Variants in MGAT4C observed in about 807,000 individuals in gnomAD.
The protein encoded by MGAT4C is MGAT4 family member C.
MGAT4C carries 19 observed loss-of-function variants against 40.1 expected under a neutral mutation model. The ratio of observed to expected loss-of-function variants is 0.47; its 90% CI spans 0.33 to 0.70. The LOEUF is 0.70. MGAT4C is among the 30% of genes least tolerant of loss of function. The pLI is 0.02. For missense variants in MGAT4C, 491 were observed against 563.2 expected (o/e 0.87, Z 1.30); for synonymous variants, 181 against 187.1 (o/e 0.97, Z 0.27).
chr12:86,459,440 T>C (rs1176021057), intron 2 of MGAT4C, among the ~76,000 whole-genome samples: 1 of 151,920 alleles, frequency 6.6e-6, no homozygotes, highest in Non-Finnish European at 1.5e-5. Flanking sequence ...TGTTGTAAAC[T>C]GCCTATGGGC....
At chr12:86,646,159 G>GA (rs1963538537) in intron 2 of MGAT4C, among the ~76,000 whole-genome samples, 1 of 151,646 alleles carries the variant, frequency 6.6e-6, no homozygotes, top group African/African-American at 2.4e-5. Flanking sequence ...AGCAAATTTG[G>GA]AAAAAAGTGA....
At chr12:86,025,559 T>C (rs1362810049) in intron 2 of MGAT4C, among the ~76,000 whole-genome samples, 1 of 151,770 alleles carries the variant, frequency 6.6e-6, no homozygotes, top group East Asian at 1.9e-4. Context: ...ATTTTTTATA[T>C]GTTGTTTCAA....
At chr12:86,836,965 AAG>A (rs1242467412) in intron 1 of MGAT4C, among the ~76,000 whole-genome samples, 1 of 151,994 alleles carries the variant, frequency 6.6e-6, no homozygotes, top group Non-Finnish European at 1.5e-5. Flanking sequence ...AAAAATAGAA[AAG>A]AGAGAGAGAG....
intron 2 of MGAT4C, among the ~76,000 whole-genome samples, chr12:86,604,618 GA>G (rs1432002434): frequency 2.0e-5 from 3 of 151,932 alleles, no homozygotes; most frequent in Non-Finnish European, 2.9e-5. Context: ...TTTCACAAAA[GA>G]AAAAACTGGA....
chr12:86,065,188 G>C (rs892847831), intron 1 of MGAT4C, among the ~76,000 whole-genome samples: 1 of 152,036 alleles, frequency 6.6e-6, no homozygotes, highest in African/African-American at 2.4e-5. Context: ...ACATAAAGAG[G>C]GACTCCTCCC....
intron 2 of MGAT4C, among the ~76,000 whole-genome samples, chr12:86,535,293 T>A (rs1203560634): frequency 6.6e-6 from 1 of 152,128 alleles, no homozygotes; most frequent in Non-Finnish European, 1.5e-5. Context: ...TCACACATCA[T>A]AATTTTTGTT....
chr12:86,111,386 C>G (rs775553031), intron 1 of MGAT4C, among the ~76,000 whole-genome samples: 3 of 151,754 alleles, frequency 2.0e-5, no homozygotes, highest in Non-Finnish European at 3.0e-5. Flanking sequence ...AAAATGATAT[C>G]AGTGTTGTAC....
At chr12:86,280,480 G>A (rs959890613) in intron 4 of MGAT4C, among the ~76,000 whole-genome samples, 1 of 151,844 alleles carries the variant, frequency 6.6e-6, no homozygotes, top group African/African-American at 2.4e-5. Context: ...CTGTCCTTTT[G>A]ACTCAAGATC....
chr12:86,416,204 A>G (rs1592817305), intron 3 of MGAT4C, among the ~76,000 whole-genome samples: 1 of 152,186 alleles, frequency 6.6e-6, no homozygotes, highest in East Asian at 1.9e-4. Context: ...TGTTGGAAGT[A>G]TTTTTTATTC....
chr12:86,159,307 A>G (rs2135794267), intron 1 of MGAT4C, among the ~76,000 whole-genome samples: 1 of 152,020 alleles, frequency 6.6e-6, no homozygotes, highest in East Asian at 1.9e-4. Context: ...TGATTTTTTT[A>G]TGCAGTGAAT....
intron 2 of MGAT4C, among the ~76,000 whole-genome samples, chr12:86,704,173 T>A (rs571091479): frequency 1.4e-4 from 21 of 152,256 alleles, no homozygotes; most frequent in African/African-American, 4.6e-4. Context: ...AAAGAATGTA[T>A]GAAAAGGTTA....
intron 2 of MGAT4C, among the ~76,000 whole-genome samples, chr12:86,504,895 C>T (rs1438377079): frequency 6.6e-6 from 1 of 152,090 alleles, no homozygotes; most frequent in African/African-American, 2.4e-5. Context: ...GATCTGCCCG[C>T]CTCGGCTTCA....
chr12:86,284,518 T>G (rs1237218790), intron 4 of MGAT4C, among the ~76,000 whole-genome samples: 2 of 151,890 alleles, frequency 1.3e-5, no homozygotes, highest in African/African-American at 4.8e-5. Context: ...AAATCATATA[T>G]CCCTGGTGAA....
chr12:86,016,471 A>C (rs1044185880), intron 2 of MGAT4C: 4 of 152,186 alleles, frequency 2.6e-5, no homozygotes, highest in Admixed American at 2.6e-4. Context: ...CGTGATACCA[A>C]CGTTATCATC....
In MGAT4C at chr12:86,625,164, C is replaced by T. The variant is rs887354167; in HGVS notation, c.-229+102045G>A. On this transcript the variant is annotated intron_variant, in intron 2 of 7. Transcript: ENST00000548651. ...TTTTAAAGGGGCTCTTCCCTCTTTG[C>T]TCTCTCTGCTCTCTCTCCTGCCACC... Among the ~76,000 whole-genome samples the T allele has an allele frequency of 3.3e-5, 5 of 152,168 alleles. No homozygotes were observed. The East Asian group carries it at 9.7e-4, about 30-fold the overall frequency.
rs112838209 is a variant in MGAT4C at position 86,092,540 on chromosome 12, T to C, written c.-56-42817A>G. On this transcript the variant is annotated intron_variant, in intron 1 of 4. Coordinates refer to ENST00000611864, the MANE Select transcript of MGAT4C (RefSeq NM_001351288.2). Reference sequence around the variant, plus strand: ...TATTATATTATTAACATTGGAAATATGAATATGCAAAATATGTGTGCCCCA... The same window carrying C: ...TATTATATTATTAACATTGGAAATACGAATATGCAAAATATGTGTGCCCCA... Among the ~76,000 whole-genome samples, 759 of 152,252 alleles carry C rather than the reference T, an allele frequency of 5.0e-3. 9 individuals carry two copies. Among genetic ancestry groups the C allele is most frequent in the African/African-American group, 0.017 (721 of 41,564 alleles).
chr12:86,506,668 A>G (rs1398104798), intron 2 of MGAT4C, among the ~76,000 whole-genome samples: 2 of 152,182 alleles, frequency 1.3e-5, no homozygotes, highest in Admixed American at 6.6e-5. Context: ...CCAACTTCCA[A>G]TAGCTTAACC....
chr12:86,799,542 G>A (rs1043885948), intron 1 of MGAT4C, among the ~76,000 whole-genome samples: 2 of 151,706 alleles, frequency 1.3e-5, no homozygotes, highest in Non-Finnish European at 2.9e-5. Context: ...TATTTATGAT[G>A]CACAAATAGC....
chr12:86,795,622 G>A (rs1205778574), intron 1 of MGAT4C, among the ~76,000 whole-genome samples: 1 of 151,920 alleles, frequency 6.6e-6, no homozygotes, highest in Admixed American at 6.6e-5. Context: ...GAGAAAGAGA[G>A]AGAGAGAGAA....
Sources: allele counts gnomAD v4.1 joint callset (sites outside exome capture counted in the v4.1 genomes callset), GRCh38; gene constraint gnomAD v4.1.1; transcripts MANE v1.5; gene names NCBI Gene and HGNC (gene_info 2026-07-23, HGNC 2026-07-21).